The following PPARGC1A variants were observed in gnomAD, a reference collection of about 807,000 sequenced individuals.
The protein encoded by PPARGC1A is peroxisome proliferator-activated receptor gamma coactivator 1-alpha.
In PPARGC1A, 25 loss-of-function variants were observed where a neutral mutation model predicts 88.7. That is an observed-to-expected ratio of 0.28 (90% CI 0.21 to 0.39). The LOEUF is 0.39. PPARGC1A is among the 10% of genes least tolerant of loss of function. The pLI, the probability that PPARGC1A is intolerant of heterozygous loss-of-function variation, is 1.00. For missense variants in PPARGC1A, 880 were observed against 968.7 expected, an observed-to-expected ratio of 0.91 and a Z score of 1.22; for synonymous variants, 363 against 355.6, an observed-to-expected ratio of 1.02 and a Z score of -0.24.
At chr4:24,045,407 A>G in the PPARGC1A span, among the ~76,000 whole-genome samples, 4 of 152,142 alleles carry the variant, frequency 2.6e-5, no homozygotes, top group East Asian at 7.7e-4. Context: ...AGTACCGTAA[A>G]CTGAGTGGCT....
chr4:23,869,205 G>A (rs59646071), intron 2 of PPARGC1A, among the ~76,000 whole-genome samples: 2,125 of 152,178 alleles, frequency 0.014, 39 homozygotes, highest in South Asian at 0.065. Context: ...GGGCTATTAC[G>A]ACAGCCATAA....
the PPARGC1A span, among the ~76,000 whole-genome samples, chr4:24,360,218 C>A: frequency 1.4e-4 from 21 of 152,190 alleles, no homozygotes; most frequent in Admixed American, 3.9e-4. Flanking sequence ...TAGCCCACCA[C>A]GGTCCATTTT....
the PPARGC1A span, among the ~76,000 whole-genome samples, chr4:24,259,352 C>T: frequency 6.6e-6 from 1 of 152,078 alleles, no homozygotes; most frequent in African/African-American, 2.4e-5. Flanking sequence ...TTTGCTTGGG[C>T]CAATATTGTT....
At chr4:24,471,651 C>T in the PPARGC1A span, among the ~76,000 whole-genome samples, 23 of 152,298 alleles carry the variant, frequency 1.5e-4, no homozygotes, top group East Asian at 4.5e-3. This position sits in a 1 kb window ranked among gnomAD's most constrained non-coding sequence, Gnocchi z 5.4. Flanking sequence ...CCCAGCGTCC[C>T]TGGGCCCCCC....
At chr4:23,797,965 G>T (rs1217465424) in intron 12 of PPARGC1A, among the ~76,000 whole-genome samples, 1 of 152,028 alleles carries the variant, frequency 6.6e-6, no homozygotes, top group African/African-American at 2.4e-5. Context: ...AGTGAAAATG[G>T]CCTGTTCCTG....
intron 2 of PPARGC1A, among the ~76,000 whole-genome samples, chr4:23,880,567 C>T (rs529995799): frequency 6.6e-6 from 1 of 152,264 alleles, no homozygotes; most frequent in Admixed American, 6.5e-5. Context: ...TAATATATGT[C>T]CATTTTTGCA....
the PPARGC1A span, among the ~76,000 whole-genome samples, chr4:24,018,329 T>C: frequency 3.9e-5 from 6 of 152,064 alleles, no homozygotes; most frequent in Non-Finnish European, 8.8e-5. Context: ...TCAGTAAAAG[T>C]GTTTAAAATG....
chr4:23,937,013 T>G, the PPARGC1A span, among the ~76,000 whole-genome samples: 2 of 151,976 alleles, frequency 1.3e-5, no homozygotes, highest in African/African-American at 4.8e-5. Flanking sequence ...AGAAGGCACT[T>G]CTGTGCGAAG....
chr4:24,307,463 A>G, the PPARGC1A span, among the ~76,000 whole-genome samples: 3 of 152,216 alleles, frequency 2.0e-5, no homozygotes, highest in African/African-American at 7.2e-5. Context: ...TATCAAAGGC[A>G]CATGGTGTAT....
chr4:24,093,454 A>G, the PPARGC1A span, among the ~76,000 whole-genome samples: 1 of 152,226 alleles, frequency 6.6e-6, no homozygotes, highest in African/African-American at 2.4e-5. Context: ...CTAGTAAAAC[A>G]GACACATGCA....
At chr4:24,222,910 T>C in the PPARGC1A span, among the ~76,000 whole-genome samples, 1 of 152,116 alleles carries the variant, frequency 6.6e-6, no homozygotes, top group Admixed American at 6.5e-5. Flanking sequence ...ATAATCAAAA[T>C]AATGCAAATA....
chr4:24,093,453 C>T, the PPARGC1A span, among the ~76,000 whole-genome samples: 7 of 152,178 alleles, frequency 4.6e-5, no homozygotes, highest in Non-Finnish European at 1.0e-4. Flanking sequence ...TCTAGTAAAA[C>T]AGACACATGC....
chr4:24,274,520 C>T, the PPARGC1A span, among the ~76,000 whole-genome samples: 4 of 152,106 alleles, frequency 2.6e-5, no homozygotes, highest in Admixed American at 6.5e-5. Context: ...AGCATGGCTG[C>T]GTTCCAATAA....
At chr4:23,816,781 T>C (rs944082142) in intron 7 of PPARGC1A, among the ~76,000 whole-genome samples, 8 of 152,208 alleles carry the variant, frequency 5.3e-5, no homozygotes, top group African/African-American at 1.9e-4. Flanking sequence ...GATCCCTCTA[T>C]TGATACCAAT....
chr4:24,091,005 G>T, the PPARGC1A span, among the ~76,000 whole-genome samples: 1 of 152,116 alleles, frequency 6.6e-6, no homozygotes, highest in African/African-American at 2.4e-5. Context: ...AATAAGGAAG[G>T]CACGCAAGCT....
chr4:24,085,168 A>AT, the PPARGC1A span, among the ~76,000 whole-genome samples: 419 of 150,268 alleles, frequency 2.8e-3, 4 homozygotes, highest in East Asian at 0.047. Context: ...AAACCTACTT[A>AT]TTTTTTTTTT....
the PPARGC1A span, among the ~76,000 whole-genome samples, chr4:24,054,554 A>T: frequency 1.3e-5 from 2 of 152,352 alleles, no homozygotes; most frequent in East Asian, 3.9e-4. Context: ...GTAGTGTGGT[A>T]GGTGTTTAAA....
At chr4:24,121,135 G>A in the PPARGC1A span, among the ~76,000 whole-genome samples, 1 of 152,220 alleles carries the variant, frequency 6.6e-6, no homozygotes, top group Non-Finnish European at 1.5e-5. Flanking sequence ...ACACCACTGG[G>A]ACTTCCAGTG....
chr4:23,808,625 G>A (rs1415904222), intron 10 of PPARGC1A, among the ~76,000 whole-genome samples: 9 of 152,120 alleles, frequency 5.9e-5, no homozygotes, highest in Non-Finnish European at 8.8e-5. Context: ...TCAAGCTTAC[G>A]AGTCTGAGAA....
Sources: gnomAD v4.1 joint callset for allele counts (sites outside exome capture counted in the v4.1 genomes callset) on GRCh38, gnomAD v4.1.1 for gene constraint, Gnocchi (gnomAD v3.1) non-coding constraint, MANE v1.5 for transcripts, NCBI Gene and HGNC (gene_info 2026-07-23, HGNC 2026-07-21) for gene names.